The following SYNE2 variants were observed in gnomAD, a reference collection of about 807,000 sequenced individuals.
SYNE2 encodes the protein nesprin-2.
SYNE2 carries 431 observed loss-of-function variants against 856.3 expected under a neutral mutation model. That is an observed-to-expected ratio of 0.50 (90% CI 0.47 to 0.55). The LOEUF is 0.55. Among genes scored for constraint, SYNE2 ranks in the 20% least tolerant of loss-of-function variants. The pLI, the probability that SYNE2 is intolerant of heterozygous loss-of-function variation, is 0.00. For missense variants in SYNE2, 8,129 were observed against 8,023.2 expected (o/e 1.01, Z -0.50); for synonymous variants, 2,923 against 2,872.3 (o/e 1.02, Z -0.56).
chr14:63,805,067 T>A (rs1333494571), intron 1 of SYNE2, among the ~76,000 whole-genome samples: 1 of 152,182 alleles, frequency 6.6e-6, no homozygotes, highest in East Asian at 1.9e-4. Flanking sequence ...GCAACTTTAT[T>A]TCTGGGTCCT....
intron 64 of SYNE2, among the ~76,000 whole-genome samples, chr14:64,106,145 A>G (rs1203260219): frequency 1.7e-5 from 2 of 120,720 alleles, no homozygotes; most frequent in South Asian, 6.3e-4. Flanking sequence ...CCCCCCCCCA[A>G]CCAACACACA....
intron 96 of SYNE2, among the ~76,000 whole-genome samples, chr14:64,184,765 C>T (rs546795099): frequency 6.6e-6 from 1 of 152,296 alleles, no homozygotes; most frequent in African/African-American, 2.4e-5. Flanking sequence ...ATGTTAAATA[C>T]CTAATGATTT....
chr14:64,124,989 C>T lies in SYNE2; in HGVS notation c.13423-90C>T. 10 of 1,537,082 alleles carry T rather than the reference C, an allele frequency of 6.5e-6. No individual in the cohort carries two copies. The South Asian group carries it at 9.4e-5, about 14-fold the overall frequency. ...CTGCACTCCAGCCTGGGCGACAGAG[C>T]AAGACTCCATCTCGAAAATAAAAAA... On this transcript the variant is annotated intron_variant, in intron 70 of 115. Transcript: ENST00000555002.
chr14:64,130,929 C>G (rs2098013116), intron 76 of SYNE2, among the ~76,000 whole-genome samples: 1 of 150,288 alleles, frequency 6.7e-6, no homozygotes. Context: ...GAACTAGAAT[C>G]AAAAGGAAAG....
intron 84 of SYNE2, among the ~76,000 whole-genome samples, chr14:64,148,959 T>C (rs2098213891): frequency 6.6e-6 from 1 of 151,480 alleles, no homozygotes; most frequent in Admixed American, 6.6e-5. Context: ...GCTGCTTTTC[T>C]ATAAATGTTA....
intron 29 of SYNE2, 117 bp downstream of exon 29, chr14:64,002,198 C>A: frequency 3.2e-6 from 3 of 927,272 alleles, no homozygotes; most frequent in South Asian, 3.0e-5. Flanking sequence ...TAAGCCATGA[C>A]AGTTTTTTTT....
At chr14:64,169,828 T>C (rs528357712) in intron 93 of SYNE2, among the ~76,000 whole-genome samples, 194 of 152,348 alleles carry the variant, frequency 1.3e-3, no homozygotes, top group African/African-American at 4.3e-3. Flanking sequence ...TAAAGCATGC[T>C]CTTTATTGCT....
chr14:64,087,835 A>G lies in SYNE2; in HGVS notation c.11649A>G (p.Pro3883=). ...ALQQKIMESL[P]QIQRMADDVV... ...AACAAAAAATAATGGAAAGCCTTCC[A>G]CAGATTCAGCGAATGGCTGATGTAA... The change falls in exon 58 of 116, where the codon CCA becomes CCG. Residue 3883 remains proline (P), a synonymous_variant. Transcript: ENST00000555002. 4.3e-6 allele frequency: 7 copies of G among 1,614,132 alleles called. No individual in the cohort carries two copies. Among genetic ancestry groups the G allele is most frequent in the Non-Finnish European group, 5.9e-6 (7 of 1,179,968 alleles).
In SYNE2 at chr14:63,762,296, G is replaced by T. The variant is rs753000301; in HGVS notation, c.-305+310G>T. The stretch of plus-strand genomic sequence containing the variant: ...TAAAAACACAAAAAATTAGCCGGGC[G>T]TGGTGGTACATGCCTGTAATCCCAG... On this transcript the variant is annotated intron_variant, in intron 1 of 23. Coordinates refer to the SYNE2 transcript ENST00000674003. 4 of 186,324 alleles carry T rather than the reference G, an allele frequency of 2.1e-5. No homozygotes were observed. The South Asian group carries it at 3.7e-4, about 17-fold the overall frequency. 11.5% of individuals were successfully genotyped at this position (186,324 alleles called of 1,614,324 possible).
In SYNE2 at chr14:63,990,993, C is replaced by T; in HGVS notation, c.2524C>T (p.Pro842Ser). 1 of 1,614,068 alleles carries T rather than the reference C, an allele frequency of 6.2e-7. No individual in the cohort carries two copies. The highest frequency in any genetic ancestry group is 8.5e-7 in the Non-Finnish European group (1 of 1,179,968). ...AALKNLTDVS[P>S]DLDIRLKMEE... is the part of the protein sequence containing the mutation. ...GTTGAAGAACTTAACTGACGTTTCACCAGATTTGGACATCAGGCTGAAGAT... is the reference window on the plus strand; with the variant it reads ...GTTGAAGAACTTAACTGACGTTTCATCAGATTTGGACATCAGGCTGAAGAT... The change falls in exon 21 of 116, where the codon CCA (proline) becomes TCA (serine). Residue 842 changes from proline (P) to serine (S), a missense_variant. Transcript: ENST00000555002.
chr14:64,156,631 G>A (rs888873623), intron 85 of SYNE2, among the ~76,000 whole-genome samples: 5 of 151,342 alleles, frequency 3.3e-5, no homozygotes, highest in Admixed American at 6.6e-5. Context: ...GCTAATTTTT[G>A]TATTATTAGT....
chr14:63,793,066 T>C (rs553213070), intron 1 of SYNE2, among the ~76,000 whole-genome samples: 5 of 152,166 alleles, frequency 3.3e-5, no homozygotes, highest in Non-Finnish European at 5.9e-5. Context: ...AACACTTCAT[T>C]GTTGTTTTTT....
chr14:63,839,356 C>T (rs566259938), intron 1 of SYNE2, among the ~76,000 whole-genome samples: 3 of 152,076 alleles, frequency 2.0e-5, no homozygotes, highest in African/African-American at 7.2e-5. Flanking sequence ...GCCAGTCTAA[C>T]GGGTAAAAAC....
At chr14:64,107,047 G>C (rs969806476) in intron 64 of SYNE2, among the ~76,000 whole-genome samples, 1 of 152,050 alleles carries the variant, frequency 6.6e-6, no homozygotes, top group Non-Finnish European at 1.5e-5. Flanking sequence ...TAGAGACAGG[G>C]TCTTACCATG....
chr14:63,812,655 T>A (rs12589296), intron 1 of SYNE2, among the ~76,000 whole-genome samples: 96,234 of 152,004 alleles, frequency 0.63, 30,930 homozygotes, highest in South Asian at 0.77. Context: ...TTATAAAAGT[T>A]TTAATTTTGG....
In SYNE2 at chr14:64,220,551, C is replaced by T. The variant is rs35763782; in HGVS notation, c.19975C>T (p.Arg6659Cys). The T allele has an allele frequency of 2.7e-5, 44 of 1,614,118 alleles. No homozygotes were observed. The highest frequency in any genetic ancestry group is 1.9e-4 in the African/African-American group (14 of 75,006). Residue 6659 changes from arginine to cysteine, a missense_variant, in exon 111 of 116, where the codon CGC becomes TGC. Arg to Cys is a radical substitution (Grantham distance 180). Coordinates refer to ENST00000555002, the MANE Select transcript of SYNE2 (RefSeq NM_182914.3). ...PESTELQSRL[R>C]QLSLLWEAAQ... Reference sequence around the variant, plus strand: ...ATCCACAGAGCTCCAAAGTAGACTCCGCCAGCTGAGCCTGCTCTGGGAAGC... The same window carrying T: ...ATCCACAGAGCTCCAAAGTAGACTCTGCCAGCTGAGCCTGCTCTGGGAAGC...
chr14:63,945,157 A>G (rs1013060654), intron 6 of SYNE2, among the ~76,000 whole-genome samples: 4 of 122,252 alleles, frequency 3.3e-5, no homozygotes, highest in Non-Finnish European at 6.7e-5. Flanking sequence ...ACTTTTGTTG[A>G]TGTATATGTA....
chr14:63,844,717 G>A (rs1595167319), intron 1 of SYNE2, among the ~76,000 whole-genome samples: 1 of 152,000 alleles, frequency 6.6e-6, no homozygotes, highest in East Asian at 1.9e-4. Flanking sequence ...AATGTCACTG[G>A]CTTCATAAAA....
intron 45 of SYNE2, among the ~76,000 whole-genome samples, chr14:64,037,807 T>A (rs1326291538): frequency 8.4e-5 from 12 of 142,116 alleles, no homozygotes; most frequent in African/African-American, 3.2e-4. Context: ...GAGGCGCCCC[T>A]CACCTCCCGG....
Sources: gnomAD v4.1 joint callset for allele counts (sites outside exome capture counted in the v4.1 genomes callset) on GRCh38, gnomAD v4.1.1 for gene constraint, MANE v1.5 for transcripts, NCBI Gene and HGNC (gene_info 2026-07-23, HGNC 2026-07-21) for gene names.